NUCB1: variants seen among roughly 807,000 people sequenced by gnomAD.
The protein encoded by NUCB1 is nucleobindin 1.
Under a neutral mutation model 61.2 loss-of-function variants are expected in NUCB1, and 47 were observed. The ratio of observed to expected loss-of-function variants is 0.77; its 90% CI spans 0.61 to 0.98. The LOEUF is 0.98. Among genes scored for constraint, NUCB1 ranks in the 50% least tolerant of loss-of-function variants. NUCB1 has a pLI of 0.00. For synonymous variants in NUCB1, 234 were observed against 243.1 expected (o/e 0.96, Z 0.35); for missense variants, 583 against 605.3 (o/e 0.96, Z 0.39).
intron 2 of NUCB1, among the ~76,000 whole-genome samples, chr19:48,902,637 T>C (rs1213915126): frequency 6.7e-6 from 1 of 149,572 alleles, no homozygotes; most frequent in Non-Finnish European, 1.5e-5. Flanking sequence ...CTCGAACTCC[T>C]GAGTTCAAGT....
In NUCB1 at chr19:48,913,062, C is replaced by T. The variant is rs745461274; in HGVS notation, c.532C>T (p.Arg178Cys). 19 of 1,613,412 alleles carry T rather than the reference C, an allele frequency of 1.2e-5. No homozygotes were observed. Among genetic ancestry groups the T allele is most frequent in the Admixed American group, 3.3e-5 (2 of 59,834 alleles). ...CGCAGCCCATCATGAAGAGTTCAAG[C>T]GCTACGAGATGCTTAAGGAACACGA... ...YDAAHHEEFK[R>C]YEMLKEHERR... Residue 178 changes from arginine to cysteine, a missense_variant, in exon 6 of 13, where the codon CGC becomes TGC. Transcript: ENST00000405315.
chr19:48,907,867 G>T (rs572073409), intron 4 of NUCB1, among the ~76,000 whole-genome samples: 50 of 152,068 alleles, frequency 3.3e-4, no homozygotes, highest in Non-Finnish European at 5.6e-4. Flanking sequence ...TCTTGCGTCA[G>T]CATTTTTAGA....
At chr19:48,913,273 T>C in intron 6 of NUCB1, 77 bp downstream of exon 6, 1 of 1,448,882 alleles carries the variant, frequency 6.9e-7, no homozygotes, top group Admixed American at 2.4e-5. Flanking sequence ...GTTAAAGAAC[T>C]ACAATTCCCA....
chr19:48,912,254 G>A (rs368753682), intron 5 of NUCB1, among the ~76,000 whole-genome samples: 1 of 151,850 alleles, frequency 6.6e-6, no homozygotes, highest in African/African-American at 2.4e-5. Context: ...TTGAACTCCC[G>A]GGCTCGAGTG....
intron 11 of NUCB1, 30 bp from the exon 12 acceptor site, chr19:48,921,797 C>CT (rs1303309239): frequency 6.2e-7 from 1 of 1,600,766 alleles, no homozygotes; most frequent in African/African-American, 1.3e-5. Context: ...ATCACACCCT[C>CT]TTGTCTGTGT....
chr19:48,916,062 C>T (rs536333004), intron 7 of NUCB1, among the ~76,000 whole-genome samples: 1 of 152,144 alleles, frequency 6.6e-6, no homozygotes. Flanking sequence ...TTAAACCACT[C>T]GCCCTCCCCT....
chr19:48,907,135 C>T (rs576512019), intron 4 of NUCB1, among the ~76,000 whole-genome samples: 21 of 149,588 alleles, frequency 1.4e-4, no homozygotes, highest in African/African-American at 5.2e-4. Context: ...CCACCATGCC[C>T]AGCTAATTTT....
chr19:48,919,300 G>A lies in NUCB1; in HGVS notation c.1002+14G>A. On this transcript the variant is annotated intron_variant, in intron 10 of 12. Coordinates refer to ENST00000405315, the MANE Select transcript of NUCB1 (RefSeq NM_006184.6). ...GAGGGCTGGGAGGTGAGAACATGGG[G>A]GATACTCGGGGTCCTGAACCTCTCT... is the stretch of plus-strand genomic sequence containing the variant. The A allele has an allele frequency of 1.3e-6, 2 of 1,588,264 alleles. No individual in the cohort carries two copies. The highest frequency in any genetic ancestry group is 1.7e-6 in the Non-Finnish European group (2 of 1,157,090).
At position 48,913,534 on chromosome 19, in the gene NUCB1, T is replaced by C. The variant is rs2037503796; in HGVS notation, c.727T>C (p.Phe243Leu). The C allele has an allele frequency of 1.2e-6, 2 of 1,614,056 alleles. No homozygotes were observed. The highest frequency in any genetic ancestry group is 1.7e-6 in the Non-Finnish European group (2 of 1,179,978). Reference sequence around the variant, plus strand: ...GCTGGATGGACTGGACCCCAACAGGTTTAACCCCAAGACCTTCTTCATACT... The same window carrying C: ...GCTGGATGGACTGGACCCCAACAGGCTTAACCCCAAGACCTTCTTCATACT... ...EELDGLDPNR[F>L]NPKTFFILHD... The change falls in exon 7 of 13, where the codon TTT becomes CTT. Residue 243 changes from phenylalanine to leucine, a missense_variant. Phe to Leu is a conservative substitution (Grantham distance 22). Coordinates refer to ENST00000405315, the MANE Select transcript of NUCB1 (RefSeq NM_006184.6).
chr19:48,900,666 A>G, intron 1 of NUCB1, 120 bp from the exon 2 acceptor site: 1 of 1,348,204 alleles, frequency 7.4e-7, no homozygotes, highest in Non-Finnish European at 1.0e-6. Flanking sequence ...TGGGTAACAA[A>G]ATGCTTGTGT....
Position 48,905,949 on chromosome 19 carries a change from G to A in NUCB1, c.376+64G>A, listed in dbSNP as rs1381680483. ...GTGGGGAAGGGTGGCCTCACTCCCG[G>A]CCTCCAGGTGGTTGTGTGCTAGGCA... On this transcript the variant is annotated intron_variant, in intron 4 of 12. Transcript: ENST00000405315. 2.4e-5 allele frequency: 34 copies of A among 1,437,466 alleles called. 1 individual carries two copies. Among genetic ancestry groups the A allele is most frequent in the Non-Finnish European group, 3.0e-5 (32 of 1,051,682 alleles). The allele number at this position is 1,437,466 out of a possible 1,614,324, so 89.0% of individuals were successfully genotyped here.
chr19:48,913,257 A>C (rs919299697), intron 6 of NUCB1, 61 bp downstream of exon 6: 68 of 1,512,314 alleles, frequency 4.5e-5, no homozygotes, highest in Non-Finnish European at 5.4e-5. Context: ...GCAAGACAAG[A>C]AAGCAGTTAA....
intron 2 of NUCB1, among the ~76,000 whole-genome samples, chr19:48,903,857 A>G (rs1485241652): frequency 6.1e-3 from 93 of 15,304 alleles, no homozygotes; most frequent in African/African-American, 7.7e-3. Flanking sequence ...TGGATGGATG[A>G]GTGGATGGAT....
At position 48,913,513 on chromosome 19, in the gene NUCB1, G is replaced by C; in HGVS notation, c.706G>C (p.Asp236His). The change falls in exon 7 of 13, where the codon GAT becomes CAT. Residue 236 changes from aspartate (D) to histidine (H), a missense_variant. By Grantham distance (81) the Asp-to-His change is moderately conservative. Transcript: ENST00000405315. The part of the protein sequence containing the change: ...AQLKEVWEEL[D>H]GLDPNRFNPK... ...GTTGAAGGAGGTGTGGGAGGAGCTGGATGGACTGGACCCCAACAGGTTTAA... is the reference window on the plus strand; with the variant it reads ...GTTGAAGGAGGTGTGGGAGGAGCTGCATGGACTGGACCCCAACAGGTTTAA... 1 of 1,614,204 alleles carries C rather than the reference G, an allele frequency of 6.2e-7. No homozygotes were observed. Among genetic ancestry groups the C allele is most frequent in the East Asian group, 2.2e-5 (1 of 44,878 alleles).
intron 10 of NUCB1, 106 bp from the exon 11 acceptor site, chr19:48,921,048 G>C: frequency 7.8e-7 from 1 of 1,277,806 alleles, no homozygotes. Context: ...ACATGGCCCT[G>C]GCCTCCCAGC....
In NUCB1 at chr19:48,905,849, C is replaced by G; in HGVS notation, c.340C>G (p.Leu114Val). The change falls in exon 4 of 13, where the codon CTG becomes GTG. Residue 114 changes from leucine to valine, a missense_variant. Leu to Val is a conservative substitution (Grantham distance 32). Coordinates refer to ENST00000405315, the MANE Select transcript of NUCB1 (RefSeq NM_006184.6). ...ACAGGAGGTGTCACGGCTGCGGATG[C>G]TGCTCAAGGCCAAGATGGACGCCGA... is the stretch of plus-strand genomic sequence containing the variant. ...KRQEVSRLRMLLKAKMDAEQD... is the reference protein window; with the variant it reads ...KRQEVSRLRMVLKAKMDAEQD... The G allele has an allele frequency of 6.6e-7, 1 of 1,506,034 alleles. No homozygotes were observed. The highest frequency in any genetic ancestry group is 1.1e-5 in the South Asian group (1 of 89,674). The allele number at this position is 1,506,034 out of a possible 1,614,324, so 93.3% of individuals were successfully genotyped here.
chr19:48,921,324 G>A lies in NUCB1; in HGVS notation c.1173G>A (p.Gln391=). 2 of 1,577,384 alleles carry A rather than the reference G, an allele frequency of 1.3e-6. No individual in the cohort carries two copies. The highest frequency in any genetic ancestry group is 1.7e-6 in the Non-Finnish European group (2 of 1,162,140). ...AGGCCCAGAAGAGAGAGCTGCAGCA[G>A]GTGACAGCGGGGGAAGCTGCTTCCA... ...RLEAQKRELQ[Q]AVLHMEQRKQ... Residue 391 remains glutamine (Q), a splice_region_variant and synonymous_variant, in exon 11 of 13, where the codon CAG becomes CAA. Transcript: ENST00000405315.
chr19:48,922,591 C>G lies in NUCB1; in HGVS notation c.*167C>G. 1 of 602,702 alleles carries G rather than the reference C, an allele frequency of 1.7e-6. No homozygotes were observed. The allele number at this position is 602,702 out of a possible 1,614,324, so 37.3% of individuals were successfully genotyped here. A position where few individuals can be genotyped will look rare whatever the true frequency, so the allele number is the denominator to read the frequency against. On this transcript the variant is annotated 3_prime_UTR_variant, in exon 13 of 13. Coordinates refer to ENST00000405315, the MANE Select transcript of NUCB1 (RefSeq NM_006184.6). ...TTGCTGCCACCCCAGGTCCACCTGT[C>G]TCCACTTTCACAGCCTCCAAGTCTG...
At chr19:48,907,964 G>A (rs1568584571) in intron 4 of NUCB1, among the ~76,000 whole-genome samples, 1 of 152,158 alleles carries the variant, frequency 6.6e-6, no homozygotes, top group Admixed American at 6.5e-5. Flanking sequence ...CCTGGTCCAT[G>A]GACCTTCCAT....
Sources: gnomAD v4.1 joint callset for allele counts (sites outside exome capture counted in the v4.1 genomes callset) on GRCh38, gnomAD v4.1.1 for gene constraint, MANE v1.5 for transcripts, NCBI Gene and HGNC (gene_info 2026-07-23, HGNC 2026-07-21) for gene names.